The following NDST4 variants were observed in gnomAD, a reference collection of about 807,000 sequenced individuals.
The protein encoded by NDST4 is N-heparan sulfate sulfotransferase 4.
A neutral mutation model predicts 100.8 loss-of-function variants in NDST4; 63 were observed. The observed-to-expected ratio is 0.62, with a 90% CI of 0.51 to 0.77. The LOEUF (loss-of-function observed/expected upper bound fraction) is 0.77. Ranked by LOEUF, NDST4 falls within the 30% of genes least tolerant of loss-of-function variation. NDST4 has a pLI of 0.00. For synonymous variants in NDST4, 377 were observed against 361.8 expected (o/e 1.04, Z -0.48); for missense variants, 943 against 1,018.4 (o/e 0.93, Z 1.01).
In NDST4 at chr4:114,952,005, A is replaced by G. The variant is rs1310581762; in HGVS notation, c.1222-14502T>C. Among the ~76,000 whole-genome samples the G allele has an allele frequency of 3.3e-5, 5 of 152,184 alleles. No homozygotes were observed. In the East Asian group the frequency reaches 9.6e-4, roughly 29 times the overall value. ...AAGTACATTAACTAGTTATCAGCCT[A>G]TCCCCTGGGGGGAAACCTATGTTAT... On this transcript the variant is annotated intron_variant, in intron 4 of 13. Transcript: ENST00000264363.
intron 6 of NDST4, among the ~76,000 whole-genome samples, chr4:114,894,266 A>G (rs544939590): frequency 1.3e-5 from 2 of 152,164 alleles, no homozygotes; most frequent in South Asian, 4.1e-4. Flanking sequence ...TTTTTTTCTA[A>G]TTATGTGAAC....
intron 1 of NDST4, among the ~76,000 whole-genome samples, chr4:115,112,496 G>A (rs72900695): frequency 0.029 from 4,417 of 151,934 alleles, 223 homozygotes; most frequent in African/African-American, 0.1. Flanking sequence ...GAGTTTGAAA[G>A]AGACATGATA....
intron 7 of NDST4, among the ~76,000 whole-genome samples, chr4:114,863,316 G>A (rs1164903056): frequency 6.6e-6 from 1 of 152,218 alleles, no homozygotes; most frequent in Non-Finnish European, 1.5e-5. Flanking sequence ...AGGCCCTGCT[G>A]AAGGTCACAC....
intron 6 of NDST4, among the ~76,000 whole-genome samples, chr4:114,920,627 T>G (rs1011954942): frequency 6.6e-6 from 1 of 152,202 alleles, no homozygotes; most frequent in African/African-American, 2.4e-5. Flanking sequence ...GTAATTTCCA[T>G]ACAGTGCTAG....
At chr4:115,107,287 GAAGTA>G (rs1167603909) in intron 1 of NDST4, among the ~76,000 whole-genome samples, 2 of 152,044 alleles carry the variant, frequency 1.3e-5, no homozygotes, top group Non-Finnish European at 2.9e-5. Context: ...ATAAAGAATA[GAAGTA>G]AAGGTGAGAC....
chr4:114,910,452 A>G (rs951156920), intron 6 of NDST4, among the ~76,000 whole-genome samples: 2 of 152,214 alleles, frequency 1.3e-5, no homozygotes, highest in African/African-American at 4.8e-5. Flanking sequence ...TGTGTATAAC[A>G]GTAGTAGCTC....
At chr4:114,995,619 C>T (rs1578439464) in intron 2 of NDST4, among the ~76,000 whole-genome samples, 1 of 152,042 alleles carries the variant, frequency 6.6e-6, no homozygotes, top group East Asian at 1.9e-4. Flanking sequence ...CCTGATACTT[C>T]TGTGGGAATT....
intron 4 of NDST4, among the ~76,000 whole-genome samples, chr4:114,960,296 G>C (rs1309951659): frequency 6.6e-6 from 1 of 152,142 alleles, no homozygotes; most frequent in Non-Finnish European, 1.5e-5. Context: ...TAACCACAGA[G>C]AGTAATTTGA....
At chr4:114,941,270 A>G (rs1725744025) in intron 4 of NDST4, among the ~76,000 whole-genome samples, 1 of 152,104 alleles carries the variant, frequency 6.6e-6, no homozygotes, top group Non-Finnish European at 1.5e-5. Flanking sequence ...CTATACTTCT[A>G]CCCAAGTTGT....
chr4:114,828,391 T>A (rs975300291), intron 13 of NDST4, among the ~76,000 whole-genome samples: 3 of 152,144 alleles, frequency 2.0e-5, no homozygotes, highest in African/African-American at 7.2e-5. Flanking sequence ...TTACAAATAA[T>A]AACTTGCAAT....
chr4:115,104,904 C>A (rs1729806121), intron 1 of NDST4, among the ~76,000 whole-genome samples: 1 of 152,098 alleles, frequency 6.6e-6, no homozygotes, highest in Admixed American at 6.6e-5. Flanking sequence ...GTAATCAAAA[C>A]TTGATACTAT....
intron 7 of NDST4, among the ~76,000 whole-genome samples, chr4:114,853,957 T>C (rs958546235): frequency 1.3e-5 from 2 of 152,176 alleles, no homozygotes; most frequent in African/African-American, 4.8e-5. Flanking sequence ...TTATCATTTC[T>C]TGTAGTACAA....
chr4:115,042,448 G>A (rs576409537), intron 2 of NDST4, among the ~76,000 whole-genome samples: 8 of 152,138 alleles, frequency 5.3e-5, no homozygotes, highest in South Asian at 4.2e-4. Flanking sequence ...ACCATCTCCC[G>A]TAATCACAAG....
At chr4:114,937,065 A>G (rs925897004) in intron 5 of NDST4, among the ~76,000 whole-genome samples, 2 of 152,214 alleles carry the variant, frequency 1.3e-5, no homozygotes, top group African/African-American at 4.8e-5. Flanking sequence ...ACTAAAGTGG[A>G]TAATCTATAC....
chr4:114,887,316 C>A (rs1724500883), intron 6 of NDST4, among the ~76,000 whole-genome samples: 1 of 151,998 alleles, frequency 6.6e-6, no homozygotes, highest in South Asian at 2.1e-4. Flanking sequence ...TTTTGTGATA[C>A]AGAAAGAAAT....
chr4:114,957,638 A>G (rs182618472), intron 4 of NDST4, among the ~76,000 whole-genome samples: 80 of 152,314 alleles, frequency 5.3e-4, no homozygotes, highest in African/African-American at 1.9e-3. Context: ...AAAAGTCCAC[A>G]GTCCAAAGTC....
intron 7 of NDST4, among the ~76,000 whole-genome samples, chr4:114,859,567 C>A (rs1355181123): frequency 1.3e-5 from 2 of 152,164 alleles, no homozygotes; most frequent in Admixed American, 1.3e-4. Context: ...CCCTCCACTC[C>A]TCTGAACTTT....
At position 114,986,819 on chromosome 4, in the gene NDST4, TATATATATATATA is replaced by T. The variant is rs1560845393; in HGVS notation, c.979-9558_979-9546del. 1.8e-4 allele frequency among the ~76,000 whole-genome samples: 23 copies of T among 125,572 alleles called. 1 individual carries two copies. The highest frequency in any genetic ancestry group is 4.9e-4 in the Admixed American group (6 of 12,370). 82.4% of individuals were successfully genotyped at this position (125,572 alleles called of 152,430 possible). A position where few individuals can be genotyped will look rare whatever the true frequency, so the allele number is the denominator to read the frequency against. On this transcript the variant is annotated intron_variant, in intron 2 of 13. Coordinates refer to ENST00000264363, the MANE Select transcript of NDST4 (RefSeq NM_022569.3). Reference sequence around the variant, plus strand: ...ATATATATATATATATATATATATATATATATATATATATTTTAATATACTATTCCTATAAGCT... The same window carrying T: ...ATATATATATATATATATATATATATTTTTAATATACTATTCCTATAAGCT...
At chr4:115,052,028 AT>A (rs2126279266) in intron 2 of NDST4, among the ~76,000 whole-genome samples, 1 of 152,216 alleles carries the variant, frequency 6.6e-6, no homozygotes, top group African/African-American at 2.4e-5. Context: ...TTCTCTGATG[AT>A]TAGTGATGTG....
Sources: allele counts gnomAD v4.1 joint callset (sites outside exome capture counted in the v4.1 genomes callset), GRCh38; gene constraint gnomAD v4.1.1; transcripts MANE v1.5; gene names NCBI Gene and HGNC (gene_info 2026-07-23, HGNC 2026-07-21).